Variants in WFDC5 observed in about 807,000 individuals in gnomAD.
WFDC5 encodes the protein WAP four-disulfide core domain protein 5.
In WFDC5, 15 loss-of-function variants were observed where a neutral mutation model predicts 15.7. That is an observed-to-expected ratio of 0.96 (90% CI 0.64 to 1.47). WFDC5 has a LOEUF of 1.47. Among genes scored for constraint, WFDC5 ranks in the 40% most tolerant of loss-of-function variants. WFDC5 has a pLI of 0.00. For synonymous variants in WFDC5, 109 were observed against 107.7 expected, an observed-to-expected ratio of 1.01 and a Z score of -0.07; for missense variants, 280 against 258.0, an observed-to-expected ratio of 1.09 and a Z score of -0.59.
chr20:45,110,046 C>T, intron 3 of WFDC5, 33 bp from the exon 4 acceptor site: 3 of 1,603,714 alleles, frequency 1.9e-6, no homozygotes, highest in Admixed American at 1.7e-5. Flanking sequence ...TTAATTCCTT[C>T]CCATAATAGG....
chr20:45,116,273 C>T (rs1981757790), upstream of WFDC5, among the ~76,000 whole-genome samples: 1 of 152,122 alleles, frequency 6.6e-6, no homozygotes. Flanking sequence ...AGGAGAGGCT[C>T]TGTCTTCTAT....
chr20:45,115,081 C>T (rs140685506), exon 1 of WFDC5: 3 of 1,612,390 alleles, frequency 1.9e-6, no homozygotes, highest in Non-Finnish European at 2.5e-6. Context: ...TCTGGGTCCT[C>T]ATATTTCTGC....
exon 4 of WFDC5, chr20:45,109,970 C>T (rs1244039208): frequency 6.2e-7 from 1 of 1,614,124 alleles, no homozygotes; most frequent in Non-Finnish European, 8.5e-7. Context: ...TTCCGTTGGT[C>T]CCCAGCTTAG....
chr20:45,112,561 G>A (rs928347566), intron 1 of WFDC5, among the ~76,000 whole-genome samples: 4 of 152,172 alleles, frequency 2.6e-5, no homozygotes, highest in Non-Finnish European at 5.9e-5. Flanking sequence ...TGTGTACATC[G>A]AGACAGTCAC....
At chr20:45,111,280 GC>G (rs1209786167) in intron 1 of WFDC5, among the ~76,000 whole-genome samples, 7 of 115,878 alleles carry the variant, frequency 6.0e-5, no homozygotes, top group East Asian at 2.1e-4. Flanking sequence ...CTAGGTCAGC[GC>G]CCCCCCACCC....
chr20:45,109,932 G>A (rs1209529670), exon 4 of WFDC5: 10 of 1,603,014 alleles, frequency 6.2e-6, no homozygotes, highest in Non-Finnish European at 7.7e-6. Flanking sequence ...CCAGCGGGCA[G>A]GGCCCCAGGC....
intron 1 of WFDC5, 31 bp downstream of exon 1, chr20:45,114,968 T>TC (rs765899293): frequency 3.1e-6 from 5 of 1,605,592 alleles, no homozygotes; most frequent in Non-Finnish European, 4.3e-6. Flanking sequence ...GACAATCTGG[T>TC]CCCCCCAGCA....
chr20:45,112,932 C>A (rs1981661042), intron 1 of WFDC5, among the ~76,000 whole-genome samples: 1 of 152,172 alleles, frequency 6.6e-6, no homozygotes, highest in South Asian at 2.1e-4. Flanking sequence ...CTGTCATTTA[C>A]ACATGCCTAC....
intron 1 of WFDC5, 90 bp from the exon 2 acceptor site, chr20:45,110,865 A>G: frequency 6.5e-7 from 1 of 1,545,726 alleles, no homozygotes; most frequent in Non-Finnish European, 8.8e-7. Flanking sequence ...TGAATTCTCC[A>G]TCCCTTGCTT....
chr20:45,110,031 A>C lies in WFDC5; in HGVS notation c.394-18T>G, dbSNP rs1335320102. 2 of 1,610,620 alleles carry C rather than the reference A, an allele frequency of 1.2e-6. No individual in the cohort carries two copies. The highest frequency in any genetic ancestry group is 4.5e-5 in the East Asian group (2 of 44,806). ...GAATTAGCCTGAGGAGGGAGAAAGA[A>C]AGGGTTAATTCCTTCCCATAATAGG... On this transcript the variant is annotated intron_variant, in intron 3 of 3. Transcript: ENST00000307971.
chr20:45,109,852 T>C, exon 4 of WFDC5: 1 of 1,061,616 alleles, frequency 9.4e-7, no homozygotes, highest in South Asian at 1.3e-5. Flanking sequence ...GGTGGATGGG[T>C]TGCAGGGAAG....
chr20:45,115,460 T>C (rs1292079708), upstream of WFDC5, among the ~76,000 whole-genome samples: 1 of 152,156 alleles, frequency 6.6e-6, no homozygotes. Flanking sequence ...CCCAGCGATG[T>C]CTAGGCAGCG....
chr20:45,115,029 G>C, exon 1 of WFDC5: 1 of 1,613,666 alleles, frequency 6.2e-7, no homozygotes, highest in Non-Finnish European at 8.5e-7. Context: ...ACAGCAGGCA[G>C]CTGACTCCCC....
At chr20:45,111,301 C>A (rs1156687432) in intron 1 of WFDC5, among the ~76,000 whole-genome samples, 3 of 146,536 alleles carry the variant, frequency 2.0e-5, no homozygotes, top group African/African-American at 7.6e-5. Context: ...CCGGCCCCCA[C>A]ACACACACTC....
At chr20:45,112,339 G>A (rs1268102008) in intron 1 of WFDC5, among the ~76,000 whole-genome samples, 1 of 152,218 alleles carries the variant, frequency 6.6e-6, no homozygotes, top group African/African-American at 2.4e-5. Context: ...TCTGTGGCGA[G>A]GGGCCTGGGG....
chr20:45,112,279 C>T (rs1352536663), intron 1 of WFDC5, among the ~76,000 whole-genome samples: 1 of 152,164 alleles, frequency 6.6e-6, no homozygotes, highest in East Asian at 1.9e-4. Context: ...CCAAACGGAG[C>T]TGCGTGCACT....
At chr20:45,111,255 C>G (rs775112047) in intron 1 of WFDC5, among the ~76,000 whole-genome samples, 2 of 151,870 alleles carry the variant, frequency 1.3e-5, no homozygotes, top group African/African-American at 2.4e-5. Context: ...CCCTACTTCT[C>G]TGACCCCACA....
At chr20:45,113,657 G>A (rs1981679730) in intron 1 of WFDC5, among the ~76,000 whole-genome samples, 1 of 152,198 alleles carries the variant, frequency 6.6e-6, no homozygotes, top group African/African-American at 2.4e-5. Flanking sequence ...TTCCAGGAGT[G>A]TCCTGCCTGG....
At chr20:45,110,714 G>C (rs560765151) in exon 2 of WFDC5, 2 of 1,614,044 alleles carry the variant, frequency 1.2e-6, no homozygotes, top group Admixed American at 1.7e-5. Flanking sequence ...TGTCTTCCAC[G>C]CACTGGTCAG....
Sources: gnomAD v4.1 joint callset for allele counts (sites outside exome capture counted in the v4.1 genomes callset) on GRCh38, gnomAD v4.1.1 for gene constraint, MANE v1.5 for transcripts, NCBI Gene and HGNC (gene_info 2026-07-23, HGNC 2026-07-21) for gene names.